Variants in ZC3H3 observed in about 807,000 individuals in gnomAD.
ZC3H3 encodes zinc finger CCCH domain-containing protein 3.
In ZC3H3, 36 loss-of-function variants were observed where a neutral mutation model predicts 77.3. The ratio of observed to expected loss-of-function variants is 0.47; its 90% CI spans 0.36 to 0.61. The LOEUF (loss-of-function observed/expected upper bound fraction) is 0.61, where lower values mean the gene tolerates loss of function less well. Among genes scored for constraint, ZC3H3 ranks in the 20% least tolerant of loss-of-function variants. The pLI is 0.00. For synonymous variants in ZC3H3, 626 were observed against 555.2 expected, an observed-to-expected ratio of 1.13 and a Z score of -1.79; for missense variants, 1,331 against 1,312.2, an observed-to-expected ratio of 1.01 and a Z score of -0.22.
At chr8:143,486,839 G>A (rs1333813306) in intron 4 of ZC3H3, among the ~76,000 whole-genome samples, 2 of 127,440 alleles carry the variant, frequency 1.6e-5, no homozygotes, top group African/African-American at 3.3e-5. Flanking sequence ...AACAGCACCC[G>A]CTACACGGCC....
chr8:143,483,219 A>G (rs777670930), intron 4 of ZC3H3, among the ~76,000 whole-genome samples: 1 of 152,362 alleles, frequency 6.6e-6, no homozygotes, highest in Admixed American at 6.5e-5. Flanking sequence ...TAAACTGCTT[A>G]AGTGGGGCTT....
At chr8:143,489,817 G>C (rs553988802) in intron 4 of ZC3H3, among the ~76,000 whole-genome samples, 1 of 152,212 alleles carries the variant, frequency 6.6e-6, no homozygotes, top group Non-Finnish European at 1.5e-5. Flanking sequence ...GGAAGTGGAC[G>C]CAATCTTAGC....
intron 4 of ZC3H3, among the ~76,000 whole-genome samples, chr8:143,492,486 G>A (rs1034610645): frequency 2.6e-5 from 4 of 152,182 alleles, no homozygotes; most frequent in African/African-American, 9.7e-5. Context: ...TGCCTGCCAA[G>A]AGCTGCCCAC....
intron 3 of ZC3H3, among the ~76,000 whole-genome samples, chr8:143,518,372 T>C (rs897756244): frequency 4.6e-5 from 7 of 152,076 alleles, no homozygotes; most frequent in African/African-American, 1.7e-4. Context: ...AGCTCCGCCA[T>C]GTGGCACGGC....
chr8:143,517,934 C>G (rs973217807), intron 3 of ZC3H3, among the ~76,000 whole-genome samples: 1 of 152,214 alleles, frequency 6.6e-6, no homozygotes, highest in Non-Finnish European at 1.5e-5. Context: ...CAGACCTGCT[C>G]GGGGCCAGGA....
intron 3 of ZC3H3, among the ~76,000 whole-genome samples, chr8:143,514,784 C>T (rs1821980157): frequency 1.3e-5 from 2 of 152,252 alleles, no homozygotes; most frequent in Non-Finnish European, 2.9e-5. Flanking sequence ...CTACTGACAC[C>T]TGGTGCAGTG....
chr8:143,524,284 C>T (rs932903710), intron 3 of ZC3H3, among the ~76,000 whole-genome samples: 5 of 152,246 alleles, frequency 3.3e-5, no homozygotes, highest in South Asian at 2.1e-4. Context: ...TCCACAGTTA[C>T]TGAAGCCAAA....
intron 11 of ZC3H3, among the ~76,000 whole-genome samples, chr8:143,439,688 G>A (rs1471221016): frequency 1.3e-5 from 2 of 152,246 alleles, no homozygotes; most frequent in Admixed American, 1.3e-4. Flanking sequence ...CACCTTGGCT[G>A]GCCCTGCCCC....
chr8:143,510,162 G>C (rs186845324), intron 3 of ZC3H3, among the ~76,000 whole-genome samples: 2 of 151,808 alleles, frequency 1.3e-5, no homozygotes, highest in African/African-American at 4.9e-5. Context: ...AAAACCACAC[G>C]GTAATAACGC....
rs1015614208 is a variant in ZC3H3 at position 143,538,450 on chromosome 8, A to T, written c.917T>A (p.Phe306Tyr). 1 of 1,613,092 alleles carries T rather than the reference A, an allele frequency of 6.2e-7. No homozygotes were observed. Among genetic ancestry groups the T allele is most frequent in the Non-Finnish European group, 8.5e-7 (1 of 1,180,012 alleles). The change falls in exon 2 of 12, where the codon TTC (phenylalanine) becomes TAC (tyrosine). Residue 306 changes from phenylalanine (F) to tyrosine (Y), a missense_variant. By Grantham distance (22) the Phe-to-Tyr change is conservative (BLOSUM62 3). Coordinates refer to ENST00000262577, the MANE Select transcript of ZC3H3 (RefSeq NM_015117.3). Reference protein sequence around the residue: ...SLVVTCRTNKFRKNNYKWVAA... With the variant: ...SLVVTCRTNKYRKNNYKWVAA... ...CACCCATTTGTAGTTGTTTTTCCGG[A>T]ACTTGTTAGTTCGACAGGTCACAAC... is the stretch of plus-strand genomic sequence containing the variant.
chr8:143,529,674 G>A (rs1822538249), intron 3 of ZC3H3, among the ~76,000 whole-genome samples: 1 of 152,230 alleles, frequency 6.6e-6, no homozygotes. Context: ...ACCAGGGCTA[G>A]AGGGTGAGAC....
In ZC3H3 at chr8:143,477,917, G is replaced by A. The variant is rs183372595; in HGVS notation, c.1716-2332C>T. ...AAAGCTAACTGTGGTCCTCGCCCCG[G>A]AAAGGCTGCTCAGGGCCAGCCTGGA... On this transcript the variant is annotated intron_variant, in intron 4 of 11. Coordinates refer to ENST00000262577, the MANE Select transcript of ZC3H3 (RefSeq NM_015117.3). 3.1e-3 allele frequency among the ~76,000 whole-genome samples: 466 copies of A among 152,250 alleles called. 2 individuals are homozygous for A. The highest frequency in any genetic ancestry group is 0.011 in the African/African-American group (445 of 41,546).
chr8:143,530,601 G>A lies in ZC3H3; in HGVS notation c.1561+5656C>T, dbSNP rs73715665. Among the ~76,000 whole-genome samples the A allele has an allele frequency of 3.9e-5, 6 of 152,142 alleles. No individual in the cohort carries two copies. Among genetic ancestry groups the A allele is most frequent in the African/African-American group, 9.6e-5 (4 of 41,492 alleles). On this transcript the variant is annotated intron_variant, in intron 3 of 11. Coordinates refer to ENST00000262577, the MANE Select transcript of ZC3H3 (RefSeq NM_015117.3). This position sits in a 1 kb window ranked among gnomAD's most constrained non-coding sequence, Gnocchi z 4.3. ...TGGACAGCATCCCTCTGCACAGGCC[G>A]GCCAGGCTTAGGGAGTCATGCCTGT...
chr8:143,479,801 G>T (rs575363079), intron 4 of ZC3H3, among the ~76,000 whole-genome samples: 189 of 152,328 alleles, frequency 1.2e-3, no homozygotes, highest in South Asian at 7.2e-3. Context: ...TCCTCCCTGG[G>T]GGGGGACAAA....
rs770790299 is a variant in ZC3H3 at position 143,538,402 on chromosome 8, C to T, written c.965G>A (p.Arg322Gln). 9.9e-6 allele frequency: 16 copies of T among 1,613,138 alleles called. No individual in the cohort carries two copies. Among genetic ancestry groups the T allele is most frequent in the Admixed American group, 1.7e-5 (1 of 60,012 alleles). ...KWVAASSKSP[R>Q]VARRALSPRV... Reference sequence around the variant, plus strand: ...GGGACTGAGGGCCCTCCGAGCAACCCGGGGACTCTTCGAGGAGGCAGCCAC... The same window carrying T: ...GGGACTGAGGGCCCTCCGAGCAACCTGGGGACTCTTCGAGGAGGCAGCCAC... Residue 322 changes from arginine (R) to glutamine (Q), a missense_variant, in exon 2 of 12, where the codon CGG (arginine) becomes CAG (glutamine). Physicochemically the swap from Arg to Gln is conservative, Grantham distance 43. Around this residue, in one of 3 missense-constraint regions of ZC3H3, gnomAD observed 978 missense variants for 915.5 expected, o/e 1.07. Transcript: ENST00000262577.
intron 8 of ZC3H3, among the ~76,000 whole-genome samples, chr8:143,466,355 A>G (rs1820408844): frequency 6.6e-6 from 1 of 152,204 alleles, no homozygotes; most frequent in African/African-American, 2.4e-5. Context: ...GGTGGGCAGG[A>G]GCCACCTGGA....
chr8:143,495,564 G>A (rs145581934), intron 4 of ZC3H3, among the ~76,000 whole-genome samples: 53 of 152,206 alleles, frequency 3.5e-4, no homozygotes, highest in East Asian at 1.4e-3. Flanking sequence ...TATGCGTTGC[G>A]CAGGTGCATG....
chr8:143,507,581 A>G (rs1346293036), intron 4 of ZC3H3, among the ~76,000 whole-genome samples, 165 bp downstream of exon 4: 4 of 152,258 alleles, frequency 2.6e-5, no homozygotes, highest in African/African-American at 9.6e-5. Flanking sequence ...AAATTGCTAA[A>G]GACACAGAAA....
In ZC3H3 at chr8:143,512,592, A is replaced by G. The variant is rs548150235; in HGVS notation, c.1562-4693T>C. Reference sequence around the variant, plus strand: ...CGTGAATGCCCCACAGGCAAGCAGGACACGGCCTAAAGAGAGGGCAGGAGG... The same window carrying G: ...CGTGAATGCCCCACAGGCAAGCAGGGCACGGCCTAAAGAGAGGGCAGGAGG... On this transcript the variant is annotated intron_variant, in intron 3 of 11. Transcript: ENST00000262577. Among the ~76,000 whole-genome samples, 79 of 152,268 alleles carry G rather than the reference A, an allele frequency of 5.2e-4. 2 individuals are homozygous for G. Among genetic ancestry groups the G allele is most frequent in the African/African-American group, 1.5e-3 (64 of 41,560 alleles).
Sources: allele counts gnomAD v4.1 joint callset (sites outside exome capture counted in the v4.1 genomes callset), GRCh38; gene constraint gnomAD v4.1.1; regional missense constraint gnomAD v4.1.1; non-coding constraint Gnocchi (gnomAD v3.1); transcripts MANE v1.5; gene names NCBI Gene and HGNC (gene_info 2026-07-23, HGNC 2026-07-21).